The following KCNQ1 variants were observed in gnomAD, a reference collection of about 807,000 sequenced individuals.
KCNQ1 encodes potassium voltage-gated channel subfamily KQT member 1.
In KCNQ1, 49 loss-of-function variants were observed where a neutral mutation model predicts 72.4. The ratio of observed to expected loss-of-function variants is 0.68; its 90% CI spans 0.54 to 0.86. KCNQ1 has a LOEUF of 0.86. Ranked by LOEUF, KCNQ1 falls within the 40% of genes least tolerant of loss-of-function variation. The pLI is 0.00. For synonymous variants in KCNQ1, 450 were observed against 412.6 expected (o/e 1.09, Z -1.10); for missense variants, 790 against 945.1 (o/e 0.84, Z 2.15).
In KCNQ1 at chr11:2,704,844, A is replaced by G. The variant is rs930819465; in HGVS notation, c.1514+42763A>G. 3.3e-5 allele frequency among the ~76,000 whole-genome samples: 5 copies of G among 152,168 alleles called. No individual in the cohort carries two copies. The highest frequency in any genetic ancestry group is 1.2e-4 in the African/African-American group (5 of 41,434). On this transcript the variant is annotated intron_variant, in intron 11 of 15. Transcript: ENST00000155840. The surrounding 1 kb of genome is among the most constrained non-coding windows in gnomAD (Gnocchi z 4.3). ...GTAGCAGCCTAGTGCATGTATGACC[A>G]CGAGCGAGCCCAAGGGAAGGACGGG...
At chr11:2,776,822 G>A (rs1390040507) in intron 13 of KCNQ1, among the ~76,000 whole-genome samples, 164 bp from the exon 14 acceptor site, 1 of 152,238 alleles carries the variant, frequency 6.6e-6, no homozygotes, top group African/African-American at 2.4e-5. Flanking sequence ...GCCCTCTGGG[G>A]GGTTGGGAGT....
At position 2,662,542 on chromosome 11, in the gene KCNQ1, T is replaced by G. The variant is rs1849980862; in HGVS notation, c.1514+461T>G. On this transcript the variant is annotated intron_variant, in intron 11 of 15. Transcript: ENST00000155840. ...AGGAAATGGCTGATTTTCCACGCCT[T>G]CCAGTTGGCCTTCCCCTGAGGCACA... 3.5e-5 allele frequency: 15 copies of G among 428,166 alleles called. No homozygotes were observed. The East Asian group carries it at 5.0e-4, about 14-fold the overall frequency. 26.5% of individuals were successfully genotyped at this position (428,166 alleles called of 1,614,324 possible).
Position 2,661,733 on chromosome 11 carries a change from T to C in KCNQ1, c.1394-228T>C. 1 of 618,412 alleles carries C rather than the reference T, an allele frequency of 1.6e-6. No individual in the cohort carries two copies. Among genetic ancestry groups the C allele is most frequent in the East Asian group, 2.7e-5 (1 of 36,566 alleles). The allele number at this position is 618,412 out of a possible 1,614,324, so 38.3% of individuals were successfully genotyped here. A position where few individuals can be genotyped will look rare whatever the true frequency, so the allele number is the denominator to read the frequency against. ...CCAGGCACAGTTACCACTCCGAAGA[T>C]GATTCACTGGCCTTTATTCTCCTCA... is the stretch of plus-strand genomic sequence containing the variant. On this transcript the variant is annotated intron_variant, in intron 10 of 15. Transcript: ENST00000155840. This position sits in a 1 kb window ranked among gnomAD's most constrained non-coding sequence, Gnocchi z 5.9.
intron 10 of KCNQ1, among the ~76,000 whole-genome samples, chr11:2,589,857 T>C (rs1848648637): frequency 6.6e-6 from 1 of 152,142 alleles, no homozygotes; most frequent in Non-Finnish European, 1.5e-5. Flanking sequence ...GCATCCGTCA[T>C]CTCGGGACCA....
In KCNQ1 at chr11:2,484,932, A is replaced by G. The variant is rs912809533; in HGVS notation, c.386+39448A>G. 6.6e-6 allele frequency among the ~76,000 whole-genome samples: 1 copy of G among 152,012 alleles called. No individual in the cohort carries two copies. Among genetic ancestry groups the G allele is most frequent in the Non-Finnish European group, 1.5e-5 (1 of 68,000 alleles). Reference sequence around the variant, plus strand: ...CAATAGTGAGAAACCTGGCTCTCTCACCTTCACCTGCTCGTCCAACCCCAG... The same window carrying G: ...CAATAGTGAGAAACCTGGCTCTCTCGCCTTCACCTGCTCGTCCAACCCCAG... On this transcript the variant is annotated intron_variant, in intron 1 of 15. Coordinates refer to ENST00000155840, the MANE Select transcript of KCNQ1 (RefSeq NM_000218.3). The surrounding 1 kb of genome is among the most constrained non-coding windows in gnomAD (Gnocchi z 5.2).
At chr11:2,706,873 T>C (rs954398572) in intron 11 of KCNQ1, among the ~76,000 whole-genome samples, 34 of 152,206 alleles carry the variant, frequency 2.2e-4, no homozygotes, top group African/African-American at 8.0e-4. Context: ...TTTTGACTCC[T>C]GCAGTCTCTA....
rs932735487 is a variant in KCNQ1, at chr11:2,484,767, A to G, written c.386+39283A>G. ...GCCCACTCGGCCGACGGAGCTGGGG[A>G]ATATGTGTATGGCACCCCCACGTCT... On this transcript the variant is annotated intron_variant, in intron 1 of 15. Coordinates refer to ENST00000155840, the MANE Select transcript of KCNQ1 (RefSeq NM_000218.3). The surrounding 1 kb of genome is among the most constrained non-coding windows in gnomAD (Gnocchi z 5.2). Among the ~76,000 whole-genome samples the G allele has an allele frequency of 8.5e-5, 13 of 152,110 alleles. No homozygotes were observed. Among genetic ancestry groups the G allele is most frequent in the Non-Finnish European group, 7.4e-5 (5 of 68,026 alleles).
intron 1 of KCNQ1, among the ~76,000 whole-genome samples, chr11:2,466,257 G>T (rs559840143): frequency 3.3e-5 from 5 of 152,172 alleles, no homozygotes; most frequent in African/African-American, 1.2e-4. Flanking sequence ...GTGGAGAAGC[G>T]ATCTCCAAAG....
intron 15 of KCNQ1, among the ~76,000 whole-genome samples, chr11:2,834,008 C>T (rs923056179): frequency 2.0e-5 from 3 of 152,240 alleles, no homozygotes; most frequent in African/African-American, 7.2e-5. Context: ...CACTTAGCCA[C>T]AAGGAGTGCA....
At chr11:2,667,982 T>C (rs1298479265) in intron 11 of KCNQ1, 1 of 398,688 alleles carries the variant, frequency 2.5e-6, no homozygotes. Context: ...TCCCATTTCC[T>C]GTCACTGACC....
chr11:2,733,851 C>CCCTCTCACTCTT (rs762297859), intron 11 of KCNQ1, among the ~76,000 whole-genome samples: 1 of 70,762 alleles, frequency 1.4e-5, no homozygotes, highest in Admixed American at 1.2e-4. Context: ...CTCTCTCTCT[C>CCCTCTCACTCTT]TCTCTCCCCC....
chr11:2,649,194 T>C, intron 10 of KCNQ1: 1 of 398,294 alleles, frequency 2.5e-6, no homozygotes, highest in Non-Finnish European at 4.4e-6. Flanking sequence ...ATTTGGGAAA[T>C]TTAAATTACC....
chr11:2,563,995 G>A lies in KCNQ1; in HGVS notation c.478-6633G>A, dbSNP rs1005503798. 1.2e-4 allele frequency among the ~76,000 whole-genome samples: 19 copies of A among 152,160 alleles called. No individual in the cohort carries two copies. The highest frequency in any genetic ancestry group is 2.2e-4 in the Non-Finnish European group (15 of 68,024). On this transcript the variant is annotated intron_variant, in intron 2 of 15. Coordinates refer to ENST00000155840, the MANE Select transcript of KCNQ1 (RefSeq NM_000218.3). The surrounding 1 kb of genome is among the most constrained non-coding windows in gnomAD (Gnocchi z 7.4). ...TCGGGGCCGCTGGGTGGCCCTGAAG[G>A]CCCACAGAATCCTTTTGGAGACCTG...
At position 2,486,105 on chromosome 11, in the gene KCNQ1, TGAG is replaced by T. The variant is rs1846736390; in HGVS notation, c.386+40624_386+40626del. On this transcript the variant is annotated intron_variant, in intron 1 of 15. Coordinates refer to ENST00000155840, the MANE Select transcript of KCNQ1 (RefSeq NM_000218.3). This position sits in a 1 kb window ranked among gnomAD's most constrained non-coding sequence, Gnocchi z 5.0. ...TATGGTAATTATAGTTTTAATTTCTTGAGGAACCACTATGCCGTTTTCCACAGT... is the reference window on the plus strand; with the variant it reads ...TATGGTAATTATAGTTTTAATTTCTTGAACCACTATGCCGTTTTCCACAGT... 6.6e-6 allele frequency among the ~76,000 whole-genome samples: 1 copy of T among 152,236 alleles called. No homozygotes were observed. The highest frequency in any genetic ancestry group is 2.1e-4 in the South Asian group (1 of 4,832).
In KCNQ1 at chr11:2,567,654, C is replaced by T. The variant is rs926847966; in HGVS notation, c.478-2974C>T. Among the ~76,000 whole-genome samples, 2 of 152,228 alleles carry T rather than the reference C, an allele frequency of 1.3e-5. No homozygotes were observed. The highest frequency in any genetic ancestry group is 6.5e-5 in the Admixed American group (1 of 15,290). ...TTCCTGGCCTGCTAGCAGCACCAGC[C>T]TAATTAACCTGACAAGCGGGGCCTC... On this transcript the variant is annotated intron_variant, in intron 2 of 15. Transcript: ENST00000155840. This position sits in a 1 kb window ranked among gnomAD's most constrained non-coding sequence, Gnocchi z 6.6.
In KCNQ1 at chr11:2,782,288, C is replaced by T. The variant is rs1184118416; in HGVS notation, c.1794+4251C>T. On this transcript the variant is annotated intron_variant, in intron 15 of 15. Coordinates refer to ENST00000155840, the MANE Select transcript of KCNQ1 (RefSeq NM_000218.3). This position sits in a 1 kb window ranked among gnomAD's most constrained non-coding sequence, Gnocchi z 6.1. ...GGTCTCCGGCCTCTCCTCACACCCA[C>T]CAATCCTTCACATTGTATATTATTT... is the stretch of plus-strand genomic sequence containing the variant. 1.3e-5 allele frequency among the ~76,000 whole-genome samples: 2 copies of T among 152,230 alleles called. No individual in the cohort carries two copies. Among genetic ancestry groups the T allele is most frequent in the East Asian group, 3.8e-4 (2 of 5,204 alleles).
Position 2,626,007 on chromosome 11 carries a change from T to C in KCNQ1, c.1394-35954T>C. 1 of 398,690 alleles carries C rather than the reference T, an allele frequency of 2.5e-6. No homozygotes were observed. The allele number at this position is 398,690 out of a possible 1,614,324, so 24.7% of individuals were successfully genotyped here. A position where few individuals can be genotyped will look rare whatever the true frequency, so the allele number is the denominator to read the frequency against. On this transcript the variant is annotated intron_variant, in intron 10 of 15. Coordinates refer to ENST00000155840, the MANE Select transcript of KCNQ1 (RefSeq NM_000218.3). This position sits in a 1 kb window ranked among gnomAD's most constrained non-coding sequence, Gnocchi z 4.0. ...TCTGTAGGTTGTCTTATTGCTTAGT[T>C]GATATTATTTTAATGCACACAATGT...
chr11:2,589,004 C>T (rs1330184947), intron 10 of KCNQ1, 150 bp downstream of exon 10: 35 of 950,896 alleles, frequency 3.7e-5, no homozygotes, highest in African/African-American at 1.6e-5. Context: ...CTAGAAACTT[C>T]TGTAAACCTT....
In KCNQ1 at chr11:2,498,896, C is replaced by T. The variant is rs901003268; in HGVS notation, c.387-29032C>T. Among the ~76,000 whole-genome samples, 4 of 152,200 alleles carry T rather than the reference C, an allele frequency of 2.6e-5. No homozygotes were observed. The highest frequency in any genetic ancestry group is 1.9e-4 in the East Asian group (1 of 5,200). The stretch of plus-strand genomic sequence containing the variant: ...GTATCCAGGCCGGGTATCACAGTCC[C>T]GGGTATCACAGATGACGGGTTGATG... On this transcript the variant is annotated intron_variant, in intron 1 of 15. Transcript: ENST00000155840. This position sits in a 1 kb window ranked among gnomAD's most constrained non-coding sequence, Gnocchi z 4.8.
Sources: allele counts gnomAD v4.1 joint callset (sites outside exome capture counted in the v4.1 genomes callset), GRCh38; gene constraint gnomAD v4.1.1; non-coding constraint Gnocchi (gnomAD v3.1); transcripts MANE v1.5; gene names NCBI Gene and HGNC (gene_info 2026-07-23, HGNC 2026-07-21).